DNAH7: variants seen among roughly 807,000 people sequenced by gnomAD.
DNAH7 encodes the protein axonemal beta dynein heavy chain 7.
A neutral mutation model predicts 444.6 loss-of-function variants in DNAH7; 397 were observed. The observed-to-expected ratio is 0.89, with a 90% CI of 0.82 to 0.97. The LOEUF (loss-of-function observed/expected upper bound fraction) is 0.97, where lower values mean the gene tolerates loss of function less well. Ranked by LOEUF, DNAH7 falls within the 50% of genes least tolerant of loss-of-function variation. The pLI is 0.00. For synonymous variants in DNAH7, 1,636 were observed against 1,624.4 expected, an observed-to-expected ratio of 1.01 and a Z score of -0.17; for missense variants, 4,902 against 4,800.8, an observed-to-expected ratio of 1.02 and a Z score of -0.62.
chr2:195,923,819 GAAAAT>G lies in DNAH7; in HGVS notation c.3613-17_3613-13del, dbSNP rs1401074475. 2.5e-6 allele frequency: 4 copies of G among 1,610,300 alleles called. No homozygotes were observed. The highest frequency in any genetic ancestry group is 2.2e-5 in the East Asian group (1 of 44,782). On this transcript the variant is annotated splice_polypyrimidine_tract_variant and intron_variant, in intron 22 of 64. Transcript: ENST00000312428. The stretch of plus-strand genomic sequence containing the variant: ...TATTGCTCAAGAGCCTGAAAGAAAA[GAAAAT>G]AAGATATGATTTCCCAATGTGATCA...
chr2:195,944,530 T>G (rs143970239), intron 19 of DNAH7, among the ~76,000 whole-genome samples: 164 of 152,296 alleles, frequency 1.1e-3, no homozygotes, highest in African/African-American at 3.9e-3. Context: ...TTCTGGCAAG[T>G]GAGGCTAAAC....
At chr2:196,015,534 T>C (rs1694967305) in intron 9 of DNAH7, among the ~76,000 whole-genome samples, 1 of 152,194 alleles carries the variant, frequency 6.6e-6, no homozygotes, top group Non-Finnish European at 1.5e-5. Context: ...TACGCATTAT[T>C]TTACAAGCAA....
intron 1 of DNAH7, among the ~76,000 whole-genome samples, chr2:196,067,185 T>C (rs1698475138): frequency 6.6e-6 from 1 of 152,126 alleles, no homozygotes; most frequent in Non-Finnish European, 1.5e-5. Flanking sequence ...TTTTTAGTTG[T>C]AGATGGGTAA....
At chr2:196,054,888 CGAT>C (rs1372369025) in intron 2 of DNAH7, among the ~76,000 whole-genome samples, 1 of 152,154 alleles carries the variant, frequency 6.6e-6, no homozygotes, top group Non-Finnish European at 1.5e-5. Flanking sequence ...TCCCTTTCCA[CGAT>C]GTTTGTAAGT....
intron 15 of DNAH7, among the ~76,000 whole-genome samples, chr2:195,976,936 C>T (rs1032992433): frequency 6.6e-6 from 1 of 152,174 alleles, no homozygotes; most frequent in Non-Finnish European, 1.5e-5. Context: ...CTTGGGGTAT[C>T]CCTTAATGCA....
chr2:196,065,405 C>A (rs1698375440), intron 1 of DNAH7, among the ~76,000 whole-genome samples: 1 of 152,166 alleles, frequency 6.6e-6, no homozygotes, highest in Non-Finnish European at 1.5e-5. Context: ...GTTAATCCAA[C>A]TGATTTATGG....
chr2:195,849,810 C>T (rs1171041671), intron 46 of DNAH7, among the ~76,000 whole-genome samples: 1 of 152,000 alleles, frequency 6.6e-6, no homozygotes, highest in Non-Finnish European at 1.5e-5. Flanking sequence ...ACTATGTTCC[C>T]TAGGCTGGTC....
intron 63 of DNAH7, among the ~76,000 whole-genome samples, chr2:195,748,070 G>A (rs1574361807): frequency 6.6e-6 from 1 of 152,178 alleles, no homozygotes; most frequent in Non-Finnish European, 1.5e-5. Flanking sequence ...TGACATGATT[G>A]TATATCTAGA....
intron 28 of DNAH7, among the ~76,000 whole-genome samples, chr2:195,899,103 T>C (rs1362434536): frequency 6.6e-6 from 1 of 152,188 alleles, no homozygotes; most frequent in Non-Finnish European, 1.5e-5. Context: ...AAACTCGAGT[T>C]CCCCAATGAC....
chr2:196,043,589 T>C (rs187101243), intron 5 of DNAH7, among the ~76,000 whole-genome samples: 1 of 152,182 alleles, frequency 6.6e-6, no homozygotes, highest in Admixed American at 6.5e-5. Context: ...AAAAAGCTCC[T>C]GCACAGCAAA....
intron 25 of DNAH7, among the ~76,000 whole-genome samples, chr2:195,907,904 C>T (rs551921315): frequency 3.9e-5 from 6 of 151,956 alleles, no homozygotes; most frequent in Admixed American, 2.6e-4. Context: ...TAATGCATGG[C>T]GACAGATCAC....
In DNAH7 at chr2:195,796,594, G is replaced by T; in HGVS notation, c.10497C>A (p.Thr3499=). ...NCHLATSWMP[T]LEKVCEELSP... ...TTTTTACCTCACAGACTTTCTCAAG[G>T]GTTGGCATCCAAGAGGTGGCAAGGT... is the stretch of plus-strand genomic sequence containing the variant. Residue 3499 remains threonine (T), a synonymous_variant, in exon 56 of 65, where the codon ACC becomes ACA. Transcript: ENST00000312428. 1 of 1,614,038 alleles carries T rather than the reference G, an allele frequency of 6.2e-7. No homozygotes were observed. Among genetic ancestry groups the T allele is most frequent in the Non-Finnish European group, 8.5e-7 (1 of 1,179,982 alleles).
At chr2:196,065,793 G>A (rs971329425) in intron 1 of DNAH7, among the ~76,000 whole-genome samples, 1 of 152,194 alleles carries the variant, frequency 6.6e-6, no homozygotes, top group African/African-American at 2.4e-5. Context: ...GCCTAGCCAT[G>A]GTAATGGCAT....
chr2:196,023,626 CT>C (rs1023670660), intron 8 of DNAH7, among the ~76,000 whole-genome samples: 7 of 152,178 alleles, frequency 4.6e-5, no homozygotes, highest in African/African-American at 1.7e-4. Context: ...CTGGTTTGAT[CT>C]TCTTCCAGAC....
intron 6 of DNAH7, 37 bp from the exon 7 acceptor site, chr2:196,026,977 CA>C: frequency 6.8e-7 from 1 of 1,469,918 alleles, no homozygotes; most frequent in Non-Finnish European, 9.2e-7. Context: ...AGATGTTTAA[CA>C]AAAGAAGTAT....
At chr2:195,990,813 A>G (rs11684697) in intron 12 of DNAH7, among the ~76,000 whole-genome samples, 3,759 of 109,636 alleles carry the variant, frequency 0.034, 85 homozygotes, top group East Asian at 0.079. Flanking sequence ...GTGTGTGTGT[A>G]TATATATATA....
chr2:196,067,138 T>C lies in DNAH7; in HGVS notation c.15+1559A>G, dbSNP rs1016555989. ...TCACTTTTATAAAGATGAAGCAAAA[T>C]TTAGAACTTAACGGCTGGTGGGTTT... On this transcript the variant is annotated intron_variant, in intron 1 of 64. Transcript: ENST00000312428. Among the ~76,000 whole-genome samples the C allele has an allele frequency of 4.6e-5, 7 of 152,248 alleles. No homozygotes were observed. In the East Asian group the frequency reaches 1.2e-3, roughly 25 times the overall value.
At position 195,891,666 on chromosome 2, in the gene DNAH7, C is replaced by CAA. The variant is rs756451041; in HGVS notation, c.5033_5034dup (p.Ala1679LeufsTer5). 3.8e-6 allele frequency: 6 copies of CAA among 1,589,412 alleles called. No individual in the cohort carries two copies. The highest frequency in any genetic ancestry group is 5.1e-6 in the Non-Finnish European group (6 of 1,170,300). On this transcript the variant is annotated frameshift_variant, in exon 31 of 65. Transcript: ENST00000312428. LOFTEE classifies it high-confidence loss of function. ...GTGTTAGAACTTACCACTGAAGAGG[C>CAA]AAATGCTCTAAAACTGACAGCAAGG... is the stretch of plus-strand genomic sequence containing the variant.
chr2:196,003,159 C>A (rs1349513446), intron 10 of DNAH7, among the ~76,000 whole-genome samples: 6 of 138,070 alleles, frequency 4.3e-5, no homozygotes, highest in South Asian at 2.3e-4. Flanking sequence ...ATGGCAATTT[C>A]ACCAAAAAAA....
Sources: allele counts gnomAD v4.1 joint callset (sites outside exome capture counted in the v4.1 genomes callset), GRCh38; gene constraint gnomAD v4.1.1; transcripts MANE v1.5; gene names NCBI Gene and HGNC (gene_info 2026-07-23, HGNC 2026-07-21).